The following POLK variants were observed in gnomAD, a reference collection of about 807,000 sequenced individuals.
POLK encodes polymerase (DNA directed) kappa.
Under a neutral mutation model 94.0 loss-of-function variants are expected in POLK, and 76 were observed. The ratio of observed to expected loss-of-function variants is 0.81; its 90% CI spans 0.67 to 0.98. The LOEUF (loss-of-function observed/expected upper bound fraction) is 0.98. Ranked by LOEUF, POLK falls within the 50% of genes least tolerant of loss-of-function variation. The pLI, the probability that POLK is intolerant of heterozygous loss-of-function variation, is 0.00. For missense variants in POLK, 954 were observed against 1,010.1 expected, an observed-to-expected ratio of 0.94 and a Z score of 0.75; for synonymous variants, 349 against 325.4, an observed-to-expected ratio of 1.07 and a Z score of -0.78.
rs147163490 is a variant in POLK, at chr5:75,564,138, C to G, written c.256-5202C>G. 3.0e-3 allele frequency among the ~76,000 whole-genome samples: 456 copies of G among 152,252 alleles called. 3 individuals carry two copies. The highest frequency in any genetic ancestry group is 4.1e-3 in the Non-Finnish European group (278 of 68,006). On this transcript the variant is annotated intron_variant, in intron 3 of 14. Coordinates refer to ENST00000241436, the Ensembl canonical transcript of POLK. Reference sequence around the variant, plus strand: ...TCTTCTTGTTACATTGATCCCTTTACCATTATGTAATGCCCTTCTTTGTCT... The same window carrying G: ...TCTTCTTGTTACATTGATCCCTTTAGCATTATGTAATGCCCTTCTTTGTCT...
chr5:75,581,224 A>T (rs746078858), exon 7 of POLK: 1 of 1,601,744 alleles, frequency 6.2e-7, no homozygotes, highest in Non-Finnish European at 8.6e-7. Flanking sequence ...CCAGGAAAGG[A>T]AGTTAATAAA....
chr5:75,571,467 A>C (rs1442413218), intron 4 of POLK, among the ~76,000 whole-genome samples: 1 of 152,204 alleles, frequency 6.6e-6, no homozygotes, highest in Non-Finnish European at 1.5e-5. Flanking sequence ...TAATTTGAGC[A>C]GAGTGCGATG....
chr5:75,511,427 A>C (rs887561619), upstream of POLK: 2 of 1,540,214 alleles, frequency 1.3e-6, no homozygotes, highest in African/African-American at 2.8e-5. Flanking sequence ...AAGGAAGCCT[A>C]CCCTTCCAGC....
At chr5:75,583,183 A>G (rs1364247620) in intron 7 of POLK, 110 bp from the exon 8 acceptor site, 19 of 684,096 alleles carry the variant, frequency 2.8e-5, no homozygotes, top group Non-Finnish European at 4.3e-5. Context: ...GTAGCATTAT[A>G]TATCATTTGA....
chr5:75,526,734 A>T lies in POLK; in HGVS notation c.-14+14820A>T, dbSNP rs140845414. The stretch of plus-strand genomic sequence containing the variant: ...GTAGCTGGGATTACAGACGTGCACC[A>T]CCACAACCGGCTAATTTTTGTATTT... On this transcript the variant is annotated intron_variant, in intron 1 of 14. Coordinates refer to ENST00000241436, the Ensembl canonical transcript of POLK. Among the ~76,000 whole-genome samples the T allele has an allele frequency of 1.8e-4, 27 of 152,060 alleles. 1 individual carries two copies. In the East Asian group the frequency reaches 5.2e-3, roughly 29 times the overall value.
intron 3 of POLK, among the ~76,000 whole-genome samples, chr5:75,560,812 T>A (rs573648848): frequency 6.6e-6 from 1 of 152,338 alleles, no homozygotes; most frequent in Admixed American, 6.5e-5. Flanking sequence ...AATGATGGTT[T>A]CCAGCTTCAT....
chr5:75,584,431 G>A (rs1187410232), intron 8 of POLK, among the ~76,000 whole-genome samples: 1 of 152,080 alleles, frequency 6.6e-6, no homozygotes, highest in Non-Finnish European at 1.5e-5. Context: ...CACTTTGGGA[G>A]GCCAGGGTGG....
At chr5:75,542,932 C>T (rs192326767) in intron 1 of POLK, among the ~76,000 whole-genome samples, 4 of 150,410 alleles carry the variant, frequency 2.7e-5, no homozygotes, top group East Asian at 1.9e-4. Flanking sequence ...AGGCTGGTCT[C>T]GAACCCCTGA....
chr5:75,546,449 C>T (rs1580984720), intron 1 of POLK, among the ~76,000 whole-genome samples: 1 of 151,876 alleles, frequency 6.6e-6, no homozygotes, highest in African/African-American at 2.4e-5. Context: ...AGTTCAAACC[C>T]GTGTTGTCTA....
intron 3 of POLK, among the ~76,000 whole-genome samples, chr5:75,564,480 A>G (rs922519862): frequency 6.6e-6 from 1 of 152,126 alleles, no homozygotes; most frequent in African/African-American, 2.4e-5. Context: ...AGGTTCTTCA[A>G]GTGTCAGTGG....
chr5:75,545,679 T>A (rs907540051), intron 1 of POLK, among the ~76,000 whole-genome samples: 3 of 152,218 alleles, frequency 2.0e-5, no homozygotes, highest in Admixed American at 6.5e-5. Flanking sequence ...TTCTGTATTT[T>A]TTCATTGCCT....
At chr5:75,574,001 T>C in intron 5 of POLK, 132 bp downstream of exon 5, 1 of 743,112 alleles carries the variant, frequency 1.3e-6, no homozygotes, top group African/African-American at 1.7e-5. Flanking sequence ...CTATCACTTC[T>C]TCAGCTTGTA....
At chr5:75,575,702 C>G (rs908981574) in intron 5 of POLK, among the ~76,000 whole-genome samples, 2 of 152,120 alleles carry the variant, frequency 1.3e-5, no homozygotes, top group Non-Finnish European at 2.9e-5. Flanking sequence ...CACATTATAA[C>G]AAGAACAAAG....
At chr5:75,609,257 T>G in the POLK span, 2 of 151,936 alleles carry the variant, frequency 1.3e-5, no homozygotes, top group Non-Finnish European at 2.9e-5. Context: ...ATTTTTTATT[T>G]ATATTAAAAA....
At chr5:75,567,411 A>G (rs181126134) in intron 3 of POLK, among the ~76,000 whole-genome samples, 81 of 152,318 alleles carry the variant, frequency 5.3e-4, no homozygotes, top group Admixed American at 9.1e-4. Flanking sequence ...GTACTAAAAG[A>G]AGTAGGTTTT....
chr5:75,580,584 C>A, intron 6 of POLK: 1 of 857,966 alleles, frequency 1.2e-6, no homozygotes, highest in Non-Finnish European at 1.4e-6. Context: ...TTCAAAGAAG[C>A]ATAACTTTCA....
At chr5:75,572,595 A>G (rs1345782250) in intron 4 of POLK, among the ~76,000 whole-genome samples, 4 of 152,214 alleles carry the variant, frequency 2.6e-5, no homozygotes, top group African/African-American at 4.8e-5. Context: ...TATTCATTCT[A>G]TAATAAGTAT....
intron 1 of POLK, among the ~76,000 whole-genome samples, chr5:75,546,025 A>C (rs1425445932): frequency 6.6e-6 from 1 of 152,180 alleles, no homozygotes; most frequent in East Asian, 1.9e-4. Flanking sequence ...AGAATATCAT[A>C]ATCTTGTGAT....
At chr5:75,608,121 C>T in the POLK span, among the ~76,000 whole-genome samples, 1 of 152,090 alleles carries the variant, frequency 6.6e-6, no homozygotes, top group Non-Finnish European at 1.5e-5. Flanking sequence ...AATTGCATTC[C>T]ATATTTATTT....
Sources: gnomAD v4.1 joint callset for allele counts (sites outside exome capture counted in the v4.1 genomes callset) on GRCh38, gnomAD v4.1.1 for gene constraint, MANE v1.5 for transcripts, NCBI Gene and HGNC (gene_info 2026-07-23, HGNC 2026-07-21) for gene names.